PALS2: variants seen among roughly 807,000 people sequenced by gnomAD.
PALS2 encodes the protein protein associated with LIN7 2, MAGUK p55 family member, also known as protein PALS2.
In PALS2, 27 loss-of-function variants were observed where a neutral mutation model predicts 61.6. That is an observed-to-expected ratio of 0.44 (90% CI 0.32 to 0.60). The LOEUF (loss-of-function observed/expected upper bound fraction) is 0.60, where lower values mean the gene tolerates loss of function less well. Among genes scored for constraint, PALS2 ranks in the 20% least tolerant of loss-of-function variants. PALS2 has a pLI of 0.05. For synonymous variants in PALS2, 236 were observed against 218.6 expected (o/e 1.08, Z -0.70); for missense variants, 554 against 639.4 (o/e 0.87, Z 1.44).
At chr7:24,623,814 AT>A in intron 2 of PALS2, 30 bp downstream of exon 2, 1 of 1,425,426 alleles carries the variant, frequency 7.0e-7, no homozygotes, top group African/African-American at 1.4e-5. Context: ...AGATTACTGA[AT>A]TATTTTGGAC....
At chr7:24,660,464 A>T (rs1786659196) in intron 5 of PALS2, among the ~76,000 whole-genome samples, 1 of 152,080 alleles carries the variant, frequency 6.6e-6, no homozygotes, top group Admixed American at 6.6e-5. Flanking sequence ...TACACATGCT[A>T]TTCTGAACCT....
chr7:24,624,605 C>CTTCTTTT (rs1554302487), intron 2 of PALS2, among the ~76,000 whole-genome samples: 4 of 86,400 alleles, frequency 4.6e-5, no homozygotes, highest in African/African-American at 6.5e-5. Flanking sequence ...GCAGATTCTT[C>CTTCTTTT]TTTTTTTTTT....
intron 1 of PALS2, among the ~76,000 whole-genome samples, chr7:24,590,882 T>G (rs1783259719): frequency 6.6e-6 from 1 of 151,840 alleles, no homozygotes; most frequent in South Asian, 2.1e-4. Flanking sequence ...TTCAGTATTT[T>G]ATTTTGCATT....
rs1256619880 is a variant in PALS2, at chr7:24,694,135, G to A, written c.*6521G>A. The A allele has an allele frequency of 1.3e-5, 2 of 152,092 alleles. No homozygotes were observed. Among genetic ancestry groups the A allele is most frequent in the African/African-American group, 4.8e-5 (2 of 41,414 alleles). The allele number at this position is 152,092 out of a possible 1,614,324, so 9.4% of individuals were successfully genotyped here. A position where few individuals can be genotyped will look rare whatever the true frequency, so the allele number is the denominator to read the frequency against. The stretch of plus-strand genomic sequence containing the variant: ...TGCTTTCCAGGTAATTGTATTATTA[G>A]TTTCTGTATAAAAGAAACATTATTG... On this transcript the variant is annotated 3_prime_UTR_variant, in exon 12 of 12. Coordinates refer to ENST00000222644, the MANE Select transcript of PALS2 (RefSeq NM_001303037.2).
chr7:24,612,559 G>A (rs1038806419), intron 1 of PALS2, among the ~76,000 whole-genome samples: 25 of 151,472 alleles, frequency 1.7e-4, no homozygotes, highest in Admixed American at 1.2e-3. Context: ...TCAGAACACG[G>A]CTTCTCCATT....
chr7:24,665,492 T>C (rs1786966655), intron 6 of PALS2, 96 bp from the exon 7 acceptor site: 2 of 1,055,866 alleles, frequency 1.9e-6, no homozygotes, highest in Non-Finnish European at 1.4e-6. Flanking sequence ...TAAGAGCAAA[T>C]GTGACTTTTT....
At chr7:24,648,564 T>G (rs7788403) in intron 3 of PALS2, among the ~76,000 whole-genome samples, 76,477 of 151,702 alleles carry the variant, frequency 0.5, 23,026 homozygotes, top group African/African-American at 0.83. Context: ...AAACTGCTGG[T>G]ATTACAGGCA....
In PALS2 at chr7:24,691,380, A is replaced by G. The variant is rs1788456690; in HGVS notation, c.*3766A>G. On this transcript the variant is annotated 3_prime_UTR_variant, in exon 12 of 12. Coordinates refer to ENST00000222644, the MANE Select transcript of PALS2 (RefSeq NM_001303037.2). ...ATTTTTTAAATGTTCGAGTTGCCAT[A>G]TATTATGTATGTGTGTGTGTGTGTG... is the stretch of plus-strand genomic sequence containing the variant. 9.4e-6 allele frequency: 1 copy of G among 106,478 alleles called. No homozygotes were observed. The highest frequency in any genetic ancestry group is 1.0e-4 in the Admixed American group (1 of 9,750). The allele number at this position is 106,478 out of a possible 1,614,324, so 6.6% of individuals were successfully genotyped here.
Position 24,691,405 on chromosome 7 carries a change from GTATATATATATATATATATATATA to G in PALS2, c.*3808_*3831del, listed in dbSNP as rs70942878. The G allele has an allele frequency of 1.8e-5, 2 of 110,596 alleles. No individual in the cohort carries two copies. The highest frequency in any genetic ancestry group is 3.8e-5 in the Non-Finnish European group (2 of 52,308). The allele number at this position is 110,596 out of a possible 1,614,324, so 6.9% of individuals were successfully genotyped here. On this transcript the variant is annotated 3_prime_UTR_variant, in exon 12 of 12. Transcript: ENST00000222644. ...ATATTATGTATGTGTGTGTGTGTGTGTATATATATATATATATATATATATATATATATATATATACAGCTATGT... is the reference window on the plus strand; with the variant it reads ...ATATTATGTATGTGTGTGTGTGTGTGTATATATATATATATACAGCTATGT...
At chr7:24,585,440 A>T (rs143990784) in intron 1 of PALS2, among the ~76,000 whole-genome samples, 12 of 152,238 alleles carry the variant, frequency 7.9e-5, no homozygotes, top group African/African-American at 2.6e-4. Context: ...CTTAAAAGTT[A>T]TTGATTCCAA....
chr7:24,592,980 A>G (rs557054873), intron 1 of PALS2, among the ~76,000 whole-genome samples: 1 of 152,080 alleles, frequency 6.6e-6, no homozygotes, highest in Non-Finnish European at 1.5e-5. Context: ...CTCTTTTTTC[A>G]TGAAAGATTT....
At chr7:24,645,610 G>A (rs927507846) in intron 3 of PALS2, among the ~76,000 whole-genome samples, 6 of 151,830 alleles carry the variant, frequency 4.0e-5, no homozygotes, top group African/African-American at 7.3e-5. Flanking sequence ...GCCCTTTTTT[G>A]GTTCCATATG....
intron 9 of PALS2, among the ~76,000 whole-genome samples, chr7:24,670,336 CT>C (rs965574566): frequency 3.1e-4 from 45 of 146,086 alleles, no homozygotes; most frequent in Admixed American, 4.8e-4. Flanking sequence ...AAGTCAGGTT[CT>C]TTTTTTTTTT....
chr7:24,611,877 A>G (rs1784125305), intron 1 of PALS2, among the ~76,000 whole-genome samples: 1 of 152,020 alleles, frequency 6.6e-6, no homozygotes, highest in Admixed American at 6.6e-5. Flanking sequence ...CTTATAAGCC[A>G]TAAAATCACA....
At chr7:24,645,762 C>T (rs1409265780) in intron 3 of PALS2, among the ~76,000 whole-genome samples, 2 of 151,982 alleles carry the variant, frequency 1.3e-5, no homozygotes, top group Admixed American at 6.6e-5. Flanking sequence ...CGGGATGTTT[C>T]TCCATTTGTT....
intron 1 of PALS2, among the ~76,000 whole-genome samples, chr7:24,592,204 C>T (rs548877231): frequency 3.9e-5 from 6 of 152,038 alleles, no homozygotes; most frequent in East Asian, 1.9e-4. Context: ...TAGGCAAATT[C>T]GCAAACACAG....
chr7:24,630,443 A>G (rs6970676), intron 2 of PALS2, among the ~76,000 whole-genome samples: 9,609 of 152,188 alleles, frequency 0.063, 349 homozygotes, highest in African/African-American at 0.093. Context: ...TGTAACAAAC[A>G]TGCACGTTCT....
chr7:24,648,250 T>C (rs1446626274), intron 3 of PALS2, among the ~76,000 whole-genome samples: 1 of 152,032 alleles, frequency 6.6e-6, no homozygotes, highest in Non-Finnish European at 1.5e-5. Flanking sequence ...TGTTAACTTA[T>C]CTTTATGTTG....
chr7:24,613,745 C>T (rs949809744), intron 1 of PALS2, among the ~76,000 whole-genome samples: 1 of 151,726 alleles, frequency 6.6e-6, no homozygotes, highest in Non-Finnish European at 1.5e-5. Flanking sequence ...CCCCTTCTTT[C>T]CCCCTATTCT....
Sources: gnomAD v4.1 joint callset for allele counts (sites outside exome capture counted in the v4.1 genomes callset) on GRCh38, gnomAD v4.1.1 for gene constraint, MANE v1.5 for transcripts, NCBI Gene and HGNC (gene_info 2026-07-23, HGNC 2026-07-21) for gene names.